The following NFX1 variants were observed in gnomAD, a reference collection of about 807,000 sequenced individuals.
The protein encoded by NFX1 is nuclear transcription factor, X-box binding 1, also known as transcriptional repressor NF-X1.
A neutral mutation model predicts 137.2 loss-of-function variants in NFX1; 69 were observed. That is an observed-to-expected ratio of 0.50 (90% confidence interval 0.41 to 0.61). The LOEUF (loss-of-function observed/expected upper bound fraction) is 0.61. NFX1 is among the 20% of genes least tolerant of loss of function. The pLI, the probability that NFX1 is intolerant of heterozygous loss-of-function variation, is 0.00. For synonymous variants in NFX1, 495 were observed against 474.1 expected (o/e 1.04, Z -0.57); for missense variants, 1,167 against 1,391.0 (o/e 0.84, Z 2.56).
At chr9:33,341,992 T>C (rs1030300552) in intron 12 of NFX1, among the ~76,000 whole-genome samples, 3 of 152,052 alleles carry the variant, frequency 2.0e-5, no homozygotes, top group African/African-American at 2.4e-5. Context: ...TGTGGGCACC[T>C]GTAATCCCAG....
rs566909693 is a variant in NFX1, at chr9:33,319,026, G to T, written c.1805G>T (p.Ser602Ile). 1.9e-6 allele frequency: 3 copies of T among 1,614,202 alleles called. No individual in the cohort carries two copies. In the African/African-American group the frequency reaches 4.0e-5, roughly 22 times the overall value. The change falls in exon 9 of 24, where the codon AGC becomes ATC. Residue 602 changes from serine (S) to isoleucine (I), a missense_variant. Coordinates refer to ENST00000379540, the MANE Select transcript of NFX1 (RefSeq NM_002504.6). Reference protein sequence around the residue: ...RCCPCGQTPLSQLLELGSSSR... With the variant: ...RCCPCGQTPLIQLLELGSSSR... ...TGCCCCTGTGGCCAAACTCCTCTCAGCCAATTGCTAGAACTTGGAAGTAGT... is the reference window on the plus strand; with the variant it reads ...TGCCCCTGTGGCCAAACTCCTCTCATCCAATTGCTAGAACTTGGAAGTAGT...
intron 19 of NFX1, among the ~76,000 whole-genome samples, chr9:33,363,443 C>T (rs1824073889): frequency 6.6e-6 from 1 of 151,628 alleles, no homozygotes; most frequent in South Asian, 2.1e-4. Context: ...GCTACCACAC[C>T]CGGCTAATTT....
At chr9:33,360,043 A>G (rs944170558) in intron 19 of NFX1, among the ~76,000 whole-genome samples, 1 of 152,208 alleles carries the variant, frequency 6.6e-6, no homozygotes, top group Non-Finnish European at 1.5e-5. Flanking sequence ...ATAACTTTCT[A>G]GTGAGTGCCG....
chr9:33,365,145 GCA>G, intron 21 of NFX1: 1 of 247,534 alleles, frequency 4.0e-6, no homozygotes, highest in Non-Finnish European at 6.7e-6. Context: ...GTGGTGGCGG[GCA>G]CCTGTTATTC....
rs539362931 is a variant in NFX1 at position 33,333,095 on chromosome 9, C to T, written c.2035+593C>T. Among the ~76,000 whole-genome samples, 8 of 152,342 alleles carry T rather than the reference C, an allele frequency of 5.3e-5. No homozygotes were observed. In the South Asian group the frequency reaches 1.7e-3, roughly 32 times the overall value. ...TCCTGACCTCAAGTGATCCACCCGC[C>T]TCGGCCTCCCAAAGTGTTGGGATTA... On this transcript the variant is annotated intron_variant, in intron 11 of 23. Transcript: ENST00000379540.
intron 5 of NFX1, among the ~76,000 whole-genome samples, chr9:33,310,337 A>G (rs1212199189): frequency 6.6e-6 from 1 of 152,200 alleles, no homozygotes; most frequent in African/African-American, 2.4e-5. Flanking sequence ...GTTGTCGTAG[A>G]AGTTCCCAAA....
intron 1 of NFX1, 72 bp from the exon 2 acceptor site, chr9:33,294,348 T>G: frequency 7.4e-7 from 1 of 1,342,608 alleles, no homozygotes; most frequent in African/African-American, 1.5e-5. Flanking sequence ...TTTTTAGATT[T>G]GGCTTGGAGT....
rs1259344455 is a variant in NFX1, at chr9:33,370,017, A to G, written c.*39A>G. ...CACTTAGATAAAAGAATGATTAGGT[A>G]TAGTGGAGACTTATTTGCCAGCAGA... is the stretch of plus-strand genomic sequence containing the variant. On this transcript the variant is annotated 3_prime_UTR_variant, in exon 24 of 24. Coordinates refer to ENST00000379540, the MANE Select transcript of NFX1 (RefSeq NM_002504.6). 2 of 1,499,180 alleles carry G rather than the reference A, an allele frequency of 1.3e-6. No individual in the cohort carries two copies. The highest frequency in any genetic ancestry group is 9.3e-7 in the Non-Finnish European group (1 of 1,079,276). The allele number at this position is 1,499,180 out of a possible 1,614,324, so 92.9% of individuals were successfully genotyped here.
chr9:33,363,504 G>A (rs897980378), intron 19 of NFX1, among the ~76,000 whole-genome samples: 1 of 151,834 alleles, frequency 6.6e-6, no homozygotes, highest in East Asian at 1.9e-4. Context: ...GGCTGGTCTC[G>A]AACTCCTGGC....
intron 19 of NFX1, among the ~76,000 whole-genome samples, chr9:33,360,403 C>T (rs1823950472): frequency 6.6e-6 from 1 of 152,132 alleles, no homozygotes; most frequent in South Asian, 2.1e-4. Flanking sequence ...AAATGATACT[C>T]ATAAAGCTCT....
At position 33,345,459 on chromosome 9, in the gene NFX1, A is replaced by G. The variant is rs146666723; in HGVS notation, c.2344+1271A>G. On this transcript the variant is annotated intron_variant, in intron 14 of 23. Transcript: ENST00000379540. Reference sequence around the variant, plus strand: ...GCCATTGCACTCCAGCCTGGGTGACAGAGTGAGACTCTGTCTCAAAAAAAA... The same window carrying G: ...GCCATTGCACTCCAGCCTGGGTGACGGAGTGAGACTCTGTCTCAAAAAAAA... Among the ~76,000 whole-genome samples the G allele has an allele frequency of 6.2e-3, 939 of 152,336 alleles. 14 individuals are homozygous for G. Among genetic ancestry groups the G allele is most frequent in the African/African-American group, 0.021 (869 of 41,576 alleles).
chr9:33,324,389 A>G (rs1256667604), intron 9 of NFX1, among the ~76,000 whole-genome samples: 1 of 152,036 alleles, frequency 6.6e-6, no homozygotes, highest in Non-Finnish European at 1.5e-5. Context: ...AAAAAAAATA[A>G]TAATAATTAA....
intron 12 of NFX1, among the ~76,000 whole-genome samples, chr9:33,338,904 G>T (rs1010398411): frequency 6.6e-6 from 1 of 152,188 alleles, no homozygotes; most frequent in African/African-American, 2.4e-5. Context: ...GCAGAAGATT[G>T]TGTGTTGTCC....
intron 3 of NFX1, among the ~76,000 whole-genome samples, chr9:33,301,756 A>C (rs867203973): frequency 7.4e-6 from 1 of 135,428 alleles, no homozygotes; most frequent in Non-Finnish European, 1.6e-5. Context: ...ATCATATGGT[A>C]ATTCTATTTT....
chr9:33,353,368 C>T (rs1334378502), intron 17 of NFX1, among the ~76,000 whole-genome samples: 2 of 152,130 alleles, frequency 1.3e-5, no homozygotes, highest in African/African-American at 4.8e-5. Context: ...GTCTTGGGAC[C>T]TGTGTAGCCG....
chr9:33,316,108 G>A (rs626069), intron 7 of NFX1, among the ~76,000 whole-genome samples: 101,340 of 151,906 alleles, frequency 0.67, 35,654 homozygotes, highest in Non-Finnish European at 0.77. Flanking sequence ...ATCACCTATT[G>A]TGAATCCTGA....
intron 18 of NFX1, 152 bp from the exon 19 acceptor site, chr9:33,354,699 A>G: frequency 1.6e-6 from 1 of 619,750 alleles, no homozygotes; most frequent in South Asian, 2.3e-5. Flanking sequence ...ACTGAAGAGC[A>G]GGTGGCCTCA....
At position 33,319,043 on chromosome 9, in the gene NFX1, G is replaced by A; in HGVS notation, c.1822G>A (p.Gly608Arg). 2 of 1,614,212 alleles carry A rather than the reference G, an allele frequency of 1.2e-6. No homozygotes were observed. Among genetic ancestry groups the A allele is most frequent in the Non-Finnish European group, 8.5e-7 (1 of 1,180,038 alleles). Reference sequence around the variant, plus strand: ...TCCTCTCAGCCAATTGCTAGAACTTGGAAGTAGTAGTCGGAAAACATGCAT... The same window carrying A: ...TCCTCTCAGCCAATTGCTAGAACTTAGAAGTAGTAGTCGGAAAACATGCAT... ...QTPLSQLLEL[G>R]SSSRKTCMDP... The change falls in exon 9 of 24, where the codon GGA becomes AGA. Residue 608 changes from glycine (G) to arginine (R), a missense_variant. Gly to Arg is a moderately radical substitution (Grantham distance 125). Coordinates refer to ENST00000379540, the MANE Select transcript of NFX1 (RefSeq NM_002504.6).
chr9:33,355,641 C>CTTTTTTTTTTTTTTTTTTTTTTATTTTT (rs35866452), intron 19 of NFX1, among the ~76,000 whole-genome samples: 1 of 92,210 alleles, frequency 1.1e-5, no homozygotes, highest in Non-Finnish European at 2.1e-5. Context: ...GTTAAGAATT[C>CTTTTTTTTTTTTTTTTTTTTTTATTTTT]TTTTTTTTTT....
Sources: allele counts gnomAD v4.1 joint callset (sites outside exome capture counted in the v4.1 genomes callset), GRCh38; gene constraint gnomAD v4.1.1; transcripts MANE v1.5; gene names NCBI Gene and HGNC (gene_info 2026-07-23, HGNC 2026-07-21).